NMNAT3: variants seen among roughly 807,000 people sequenced by gnomAD.
NMNAT3 encodes the protein nicotinamide/nicotinic acid mononucleotide adenylyltransferase 3.
Under a neutral mutation model 24.8 loss-of-function variants are expected in NMNAT3, and 21 were observed. That is an observed-to-expected ratio of 0.85 (90% CI 0.60 to 1.22). NMNAT3 has a LOEUF of 1.22. Among genes scored for constraint, NMNAT3 ranks in the 50% most tolerant of loss-of-function variants. NMNAT3 has a pLI of 0.00. For missense variants in NMNAT3, 387 were observed against 436.6 expected (o/e 0.89, Z 1.01); for synonymous variants, 136 against 155.2 (o/e 0.88, Z 0.92).
intron 3 of NMNAT3, among the ~76,000 whole-genome samples, chr3:139,591,151 A>C (rs1036847830): frequency 2.0e-5 from 3 of 151,286 alleles, no homozygotes; most frequent in African/African-American, 7.3e-5. Context: ...GCATTGCCTC[A>C]CCTGGGAAGC....
intron 1 of NMNAT3, among the ~76,000 whole-genome samples, chr3:139,661,108 T>G (rs1366221819): frequency 1.3e-5 from 2 of 152,126 alleles, no homozygotes; most frequent in African/African-American, 4.8e-5. Context: ...CTTTCAATGA[T>G]CAGGTATCAT....
At chr3:139,594,659 T>G (rs2108188487) in intron 3 of NMNAT3, among the ~76,000 whole-genome samples, 2 of 152,302 alleles carry the variant, frequency 1.3e-5, no homozygotes, top group South Asian at 4.1e-4. Context: ...TGGTTCAATA[T>G]ACGCAAATCA....
At chr3:139,570,718 G>C (rs1938122921) in intron 6 of NMNAT3, 1 of 152,808 alleles carries the variant, frequency 6.5e-6, no homozygotes, top group Non-Finnish European at 1.5e-5. Context: ...TGTCTCAGAG[G>C]AGTACTCGGC....
intron 1 of NMNAT3, among the ~76,000 whole-genome samples, chr3:139,665,047 C>T (rs1298346916): frequency 6.6e-6 from 1 of 152,144 alleles, no homozygotes; most frequent in Admixed American, 6.5e-5. Context: ...GACCACTACC[C>T]ACACCCTCCT....
At chr3:139,596,964 A>ATATATATTTTTT (rs1405063694) in intron 3 of NMNAT3, among the ~76,000 whole-genome samples, 3 of 108,540 alleles carry the variant, frequency 2.8e-5, no homozygotes, top group Non-Finnish European at 3.7e-5. Context: ...ATATATATAT[A>ATATATATTTTTT]TTTTTATTAC....
At chr3:139,645,846 C>T (rs2056853673) in intron 1 of NMNAT3, among the ~76,000 whole-genome samples, 1 of 152,018 alleles carries the variant, frequency 6.6e-6, no homozygotes, top group African/African-American at 2.4e-5. Flanking sequence ...GCAAACTGGC[C>T]ATTTGTGACT....
chr3:139,594,334 GAA>G (rs1254987976), intron 3 of NMNAT3, among the ~76,000 whole-genome samples: 1 of 152,128 alleles, frequency 6.6e-6, no homozygotes, highest in African/African-American at 2.4e-5. Flanking sequence ...CTTACCAACC[GAA>G]AAGAGTCCAG....
In NMNAT3 at chr3:139,592,423, A is replaced by G. The variant is rs2054240091; in HGVS notation, c.110-9215T>C. On this transcript the variant is annotated intron_variant, in intron 3 of 6. Transcript: ENST00000643695. ...GGATATTATCCAGGAGAACTTCCCC[A>G]ATCTAGCAAGGCAGGCCAACATTCA... Among the ~76,000 whole-genome samples the G allele has an allele frequency of 1.1e-4, 17 of 152,348 alleles. No individual in the cohort carries two copies. In the South Asian group the frequency reaches 3.3e-3, roughly 30 times the overall value.
chr3:139,575,858 A>G, intron 5 of NMNAT3: 1 of 1,245,404 alleles, frequency 8.0e-7, no homozygotes, highest in Non-Finnish European at 1.0e-6. Flanking sequence ...AGCCAGCCAC[A>G]TCATGTTCCC....
intron 5 of NMNAT3, among the ~76,000 whole-genome samples, chr3:139,575,265 T>C (rs796679533): frequency 2.6e-5 from 4 of 152,314 alleles, no homozygotes; most frequent in African/African-American, 9.6e-5. Context: ...CAGAGTCTTC[T>C]TAGAGCCTGG....
intron 3 of NMNAT3, among the ~76,000 whole-genome samples, chr3:139,622,669 A>T (rs2055835382): frequency 2.0e-5 from 3 of 149,886 alleles, no homozygotes; most frequent in Non-Finnish European, 4.4e-5. Context: ...TGGGAGGTGG[A>T]GGTTGCTGTG....
intron 1 of NMNAT3, among the ~76,000 whole-genome samples, chr3:139,660,832 TA>T (rs57212720): frequency 0.58 from 88,477 of 151,960 alleles, 26,343 homozygotes; most frequent in East Asian, 0.71. Flanking sequence ...TAAGGGGAGA[TA>T]AAAAAAATCT....
intron 3 of NMNAT3, among the ~76,000 whole-genome samples, chr3:139,625,382 C>A (rs982309274): frequency 6.6e-6 from 1 of 152,112 alleles, no homozygotes; most frequent in Non-Finnish European, 1.5e-5. Context: ...CTATTTGTCT[C>A]ATCTGTTTTT....
chr3:139,623,335 G>T (rs554878989), intron 3 of NMNAT3, among the ~76,000 whole-genome samples: 156 of 152,248 alleles, frequency 1.0e-3, no homozygotes, highest in African/African-American at 3.6e-3. Context: ...CCACTAGAAG[G>T]TCTGCAGGGG....
At chr3:139,597,568 A>G (rs2054538362) in intron 3 of NMNAT3, among the ~76,000 whole-genome samples, 1 of 152,206 alleles carries the variant, frequency 6.6e-6, no homozygotes, top group Non-Finnish European at 1.5e-5. Flanking sequence ...CTGTAACGCC[A>G]CAATATCCTT....
chr3:139,651,782 C>T (rs1255843270), intron 1 of NMNAT3, among the ~76,000 whole-genome samples: 1 of 152,188 alleles, frequency 6.6e-6, no homozygotes, highest in Admixed American at 6.5e-5. Context: ...TTCCCCTACC[C>T]TATCCCACCC....
At chr3:139,650,041 A>G (rs1401966021) in intron 1 of NMNAT3, among the ~76,000 whole-genome samples, 1 of 152,204 alleles carries the variant, frequency 6.6e-6, no homozygotes, top group Non-Finnish European at 1.5e-5. Context: ...AACAAAAGCA[A>G]GGGCATGGGG....
At chr3:139,648,147 T>C (rs1360686657) in intron 1 of NMNAT3, among the ~76,000 whole-genome samples, 1 of 152,176 alleles carries the variant, frequency 6.6e-6, no homozygotes, top group Non-Finnish European at 1.5e-5. Flanking sequence ...TTTCCCTACG[T>C]TGTCCTTGTG....
intron 3 of NMNAT3, among the ~76,000 whole-genome samples, chr3:139,585,104 TTGAG>T (rs2053878320): frequency 1.3e-5 from 2 of 152,202 alleles, no homozygotes; most frequent in Non-Finnish European, 2.9e-5. Context: ...GATGCTGTTG[TTGAG>T]TGTCTTTATT....
Sources: allele counts gnomAD v4.1 joint callset (sites outside exome capture counted in the v4.1 genomes callset), GRCh38; gene constraint gnomAD v4.1.1; transcripts MANE v1.5; gene names NCBI Gene and HGNC (gene_info 2026-07-23, HGNC 2026-07-21).